The following ZNF573 variants were observed in gnomAD, a reference collection of about 807,000 sequenced individuals.
ZNF573 encodes the protein zinc finger protein 573.
ZNF573 carries 41 observed loss-of-function variants against 57.4 expected under a neutral mutation model. The ratio of observed to expected loss-of-function variants is 0.71; its 90% confidence interval spans 0.56 to 0.93. ZNF573 has a LOEUF of 0.93. Ranked by LOEUF, ZNF573 falls within the 40% of genes least tolerant of loss-of-function variation. The pLI, the probability that ZNF573 is intolerant of heterozygous loss-of-function variation, is 0.00. For synonymous variants in ZNF573, 249 were observed against 261.0 expected (o/e 0.95, Z 0.44); for missense variants, 730 against 794.8 (o/e 0.92, Z 0.98).
At chr19:37,771,785 T>C (rs2045661815) in intron 2 of ZNF573, 89 bp from the exon 3 acceptor site, 2 of 1,375,748 alleles carry the variant, frequency 1.5e-6, no homozygotes, top group Non-Finnish European at 2.0e-6. Context: ...AAAGGAGTGA[T>C]ATAGTATATG....
intron 1 of ZNF573, among the ~76,000 whole-genome samples, chr19:37,776,124 G>GA (rs745793774): frequency 1.2e-4 from 18 of 152,020 alleles, no homozygotes; most frequent in Non-Finnish European, 2.5e-4. Context: ...CACAGAATTA[G>GA]AAAAAACAAT....
intron 4 of ZNF573, among the ~76,000 whole-genome samples, chr19:37,750,984 A>G (rs1226763181): frequency 6.6e-6 from 1 of 151,756 alleles, no homozygotes; most frequent in East Asian, 1.9e-4. Flanking sequence ...TGACTTCAAA[A>G]CTTTTTATAA....
At chr19:37,755,503 T>G (rs559886371) in intron 4 of ZNF573, among the ~76,000 whole-genome samples, 1 of 152,194 alleles carries the variant, frequency 6.6e-6, no homozygotes, top group African/African-American at 2.4e-5. Context: ...TGGAAATTTA[T>G]AGCAGTATCA....
intron 1 of ZNF573, among the ~76,000 whole-genome samples, chr19:37,774,423 G>A (rs2045689185): frequency 6.6e-6 from 1 of 152,078 alleles, no homozygotes; most frequent in African/African-American, 2.4e-5. Flanking sequence ...TTACAGGCAT[G>A]TGCTACCGCG....
intron 4 of ZNF573, chr19:37,740,670 C>T (rs1359289836): frequency 2.2e-6 from 1 of 449,554 alleles, no homozygotes; most frequent in Non-Finnish European, 4.5e-6. Context: ...AACATCAGCT[C>T]TTTGCTTCCT....
At chr19:37,771,782 T>C in intron 2 of ZNF573, 86 bp from the exon 3 acceptor site, 1 of 1,388,484 alleles carries the variant, frequency 7.2e-7, no homozygotes, top group Non-Finnish European at 9.7e-7. Flanking sequence ...AGAAAAGGAG[T>C]GATATAGTAT....
At position 37,758,202 on chromosome 19, in the gene ZNF573, AATATATATATATATATATATATATAT is replaced by A. The variant is rs550290940; in HGVS notation, c.295+11777_295+11802del. ...TACCCTAGAACTTAAAGTATAATAA[AATATATATATATATATATATATATAT>A]ATATATATATATATATATATATATA... is the stretch of plus-strand genomic sequence containing the variant. On this transcript the variant is annotated intron_variant, in intron 4 of 4. Transcript: ENST00000536220. Among the ~76,000 whole-genome samples, 160 of 17,180 alleles carry A rather than the reference AATATATATATATATATATATATATAT, an allele frequency of 9.3e-3. 5 individuals carry two copies. The highest frequency in any genetic ancestry group is 0.015 in the Admixed American group (19 of 1,238). The allele number at this position is 17,180 out of a possible 152,430, so 11.3% of individuals were successfully genotyped here. A position where few individuals can be genotyped will look rare whatever the true frequency, so the allele number is the denominator to read the frequency against.
chr19:37,773,688 C>G lies in ZNF573; in HGVS notation c.42G>C (p.Arg14Ser). The G allele has an allele frequency of 6.5e-7, 1 of 1,535,698 alleles. No individual in the cohort carries two copies. The highest frequency in any genetic ancestry group is 1.4e-5 in the African/African-American group (1 of 73,142). Residue 14 changes from arginine (R) to serine (S), a missense_variant, in exon 2 of 5, where the codon AGG becomes AGC. By Grantham distance (110) the Arg-to-Ser change is moderately radical. Coordinates refer to ENST00000536220, the MANE Select transcript of ZNF573 (RefSeq NM_001172690.2). ...AGGTCATGGTTTTAGAATTGTAAGA[C>G]CTGATCAGTCCTACTTGGTGGGGTT... ...VLEPHQVGLI[R>S]SYNSKTMTCF...
chr19:37,751,089 A>G (rs1002865951), intron 4 of ZNF573, among the ~76,000 whole-genome samples: 1 of 147,574 alleles, frequency 6.8e-6, no homozygotes, highest in African/African-American at 2.5e-5. Flanking sequence ...GTGTATATAT[A>G]CAGTATAGAC....
rs1202994991 is a variant in ZNF573, at chr19:37,739,942, A to C, written c.548T>G (p.Phe183Cys). ...SGYQLTLHQR[F>C]HTGEKPYECT... ...TTCATAGGGTTTCTCACCAGTATGA[A>C]ATCTTTGATGTAGAGTAAGTTGATA... is the stretch of plus-strand genomic sequence containing the variant. The change falls in exon 5 of 5, where the codon TTT (phenylalanine) becomes TGT (cysteine). Residue 183 changes from phenylalanine (F) to cysteine (C), a missense_variant. Phe to Cys is a radical substitution (Grantham distance 205, BLOSUM62 -2). Coordinates refer to ENST00000536220, the MANE Select transcript of ZNF573 (RefSeq NM_001172690.2). 2.5e-6 allele frequency: 4 copies of C among 1,614,078 alleles called. No individual in the cohort carries two copies. In the Admixed American group the frequency reaches 6.7e-5, roughly 27 times the overall value.
chr19:37,740,550 G>C, intron 4 of ZNF573: 1 of 461,664 alleles, frequency 2.2e-6, no homozygotes, highest in Non-Finnish European at 4.3e-6. Context: ...ATGCAGGTCA[G>C]TGTTTAAGAA....
intron 2 of ZNF573, among the ~76,000 whole-genome samples, chr19:37,772,498 C>T (rs1288926249): frequency 6.6e-6 from 1 of 152,140 alleles, no homozygotes; most frequent in Non-Finnish European, 1.5e-5. Context: ...TCTCAAGTTA[C>T]ATCATTATGT....
chr19:37,762,478 A>G (rs1351379163), intron 4 of ZNF573, among the ~76,000 whole-genome samples: 1 of 152,114 alleles, frequency 6.6e-6, no homozygotes, highest in Non-Finnish European at 1.5e-5. Flanking sequence ...TTAAACATTA[A>G]ACAGAATGGG....
intron 4 of ZNF573, among the ~76,000 whole-genome samples, chr19:37,757,353 C>G (rs534673705): frequency 6.6e-6 from 1 of 152,074 alleles, no homozygotes; most frequent in East Asian, 1.9e-4. Flanking sequence ...CCCGCCACCG[C>G]GCCCGGCTAA....
At chr19:37,762,437 G>T (rs564594255) in intron 4 of ZNF573, among the ~76,000 whole-genome samples, 1 of 151,944 alleles carries the variant, frequency 6.6e-6, no homozygotes, top group Non-Finnish European at 1.5e-5. Context: ...GTGGGCAAAG[G>T]GTTAACAAAA....
intron 4 of ZNF573, among the ~76,000 whole-genome samples, chr19:37,753,083 C>A (rs36020184): frequency 1.3e-5 from 2 of 151,842 alleles, no homozygotes; most frequent in Admixed American, 6.6e-5. Flanking sequence ...AGCAAGACCC[C>A]GTCTCTACAA....
At chr19:37,756,226 A>G (rs1018333517) in intron 4 of ZNF573, among the ~76,000 whole-genome samples, 1 of 152,232 alleles carries the variant, frequency 6.6e-6, no homozygotes, top group East Asian at 1.9e-4. Flanking sequence ...CACTTAATTC[A>G]AGGAGATTTC....
intron 4 of ZNF573, among the ~76,000 whole-genome samples, chr19:37,741,536 C>T (rs949017080): frequency 1.3e-5 from 2 of 151,998 alleles, no homozygotes; most frequent in African/African-American, 2.4e-5. Flanking sequence ...ATACGCAAAT[C>T]GATAAACATA....
chr19:37,749,797 A>G (rs1363031627), intron 4 of ZNF573, among the ~76,000 whole-genome samples: 3 of 152,226 alleles, frequency 2.0e-5, no homozygotes, highest in African/African-American at 7.2e-5. Flanking sequence ...AGCTCTCCAC[A>G]CTGCACAAAC....
Sources: gnomAD v4.1 joint callset for allele counts (sites outside exome capture counted in the v4.1 genomes callset) on GRCh38, gnomAD v4.1.1 for gene constraint, MANE v1.5 for transcripts, NCBI Gene and HGNC (gene_info 2026-07-23, HGNC 2026-07-21) for gene names.